BAIAP2L1: variants seen among roughly 807,000 people sequenced by gnomAD.
The protein encoded by BAIAP2L1 is BAR/IMD domain-containing adapter protein 2-like 1.
Under a neutral mutation model 66.3 loss-of-function variants are expected in BAIAP2L1, and 35 were observed. The observed-to-expected ratio is 0.53, with a 90% CI of 0.40 to 0.70. BAIAP2L1 has a LOEUF of 0.70. BAIAP2L1 is among the 30% of genes least tolerant of loss of function. The probability of loss-of-function intolerance (pLI) is 0.00; values close to 1 mark genes in which losing one functional copy is unlikely to be tolerated. For missense variants in BAIAP2L1, 622 were observed against 656.9 expected (o/e 0.95, Z 0.58); for synonymous variants, 269 against 248.7 (o/e 1.08, Z -0.77).
intron 6 of BAIAP2L1, among the ~76,000 whole-genome samples, chr7:98,316,664 T>C (rs1801084392): frequency 6.6e-6 from 1 of 152,216 alleles, no homozygotes; most frequent in Non-Finnish European, 1.5e-5. Flanking sequence ...TATTTTGAAA[T>C]AATGCATCGC....
chr7:98,345,434 T>C (rs1258791939), intron 3 of BAIAP2L1, among the ~76,000 whole-genome samples: 1 of 151,962 alleles, frequency 6.6e-6, no homozygotes, highest in East Asian at 1.9e-4. Flanking sequence ...AGTAAGAACA[T>C]GAAAAGATGG....
Position 98,401,048 on chromosome 7 carries a change from C to T in BAIAP2L1, c.-196G>A, listed in dbSNP as rs1264570192. 3 of 427,392 alleles carry T rather than the reference C, an allele frequency of 7.0e-6. No individual in the cohort carries two copies. Among genetic ancestry groups the T allele is most frequent in the East Asian group, 4.2e-5 (1 of 24,014 alleles). 26.5% of individuals were successfully genotyped at this position (427,392 alleles called of 1,614,324 possible). ...AAACTTGCGGCAGCGCCGCCCTGGC[C>T]TTCTTCGAGGAGCAGAGGAGAAGCG... On this transcript the variant is annotated 5_prime_UTR_variant, in exon 1 of 14. Transcript: ENST00000005260.
intron 7 of BAIAP2L1, among the ~76,000 whole-genome samples, chr7:98,312,485 C>A (rs1800908454): frequency 6.6e-6 from 1 of 152,130 alleles, no homozygotes; most frequent in African/African-American, 2.4e-5. Context: ...ATTTCCTGAT[C>A]CCTCAGTGTG....
intron 3 of BAIAP2L1, among the ~76,000 whole-genome samples, chr7:98,353,196 T>C (rs552127208): frequency 6.6e-6 from 1 of 151,428 alleles, no homozygotes; most frequent in South Asian, 2.1e-4. Flanking sequence ...TAACTGAGTC[T>C]ATTAAATATA....
At chr7:98,364,936 G>T (rs1430401989) in intron 1 of BAIAP2L1, among the ~76,000 whole-genome samples, 1 of 120,858 alleles carries the variant, frequency 8.3e-6, no homozygotes, top group Non-Finnish European at 1.6e-5. Context: ...GCAGTTAGTT[G>T]TGACTGCACC....
At position 98,334,607 on chromosome 7, in the gene BAIAP2L1, C is replaced by T. The variant is rs151095303; in HGVS notation, c.215-14309G>A. On this transcript the variant is annotated intron_variant, in intron 3 of 13. Transcript: ENST00000005260. Reference sequence around the variant, plus strand: ...TCACCCAGGCTGGAGTGCAGTGGCACGACCTCGGCTCACTGCAACCTCTGC... The same window carrying T: ...TCACCCAGGCTGGAGTGCAGTGGCATGACCTCGGCTCACTGCAACCTCTGC... Among the ~76,000 whole-genome samples, 520 of 152,028 alleles carry T rather than the reference C, an allele frequency of 3.4e-3. 1 individual carries two copies. Among genetic ancestry groups the T allele is most frequent in the Non-Finnish European group, 4.8e-3 (329 of 67,970 alleles).
chr7:98,304,338 G>A lies in BAIAP2L1; in HGVS notation c.1280C>T (p.Ser427Phe). ...PVRSISTVNL[S>F]ENSSVVIPPP... ...GGGGATGACAACACTGCTATTCTCAGACAAGTTCACGGTGCTGATGCTTCT... is the reference window on the plus strand; with the variant it reads ...GGGGATGACAACACTGCTATTCTCAAACAAGTTCACGGTGCTGATGCTTCT... The change falls in exon 12 of 14, where the codon TCT becomes TTT. Residue 427 changes from serine (S) to phenylalanine (F), a missense_variant. By Grantham distance (155) the Ser-to-Phe change is radical. Coordinates refer to ENST00000005260, the MANE Select transcript of BAIAP2L1 (RefSeq NM_018842.5). 1 of 1,613,720 alleles carries A rather than the reference G, an allele frequency of 6.2e-7. No individual in the cohort carries two copies. Among genetic ancestry groups the A allele is most frequent in the Non-Finnish European group, 8.5e-7 (1 of 1,179,822 alleles).
chr7:98,306,739 G>A (rs992298667), intron 10 of BAIAP2L1: 12 of 602,506 alleles, frequency 2.0e-5, no homozygotes, highest in South Asian at 5.9e-5. Context: ...ACAGGGTCTC[G>A]CTCTGTTGCC....
At chr7:98,360,343 TG>T (rs1286893333) in intron 2 of BAIAP2L1, among the ~76,000 whole-genome samples, 1 of 152,186 alleles carries the variant, frequency 6.6e-6, no homozygotes, top group African/African-American at 2.4e-5. Flanking sequence ...ACGCCCAGCC[TG>T]CCTTGTGTTC....
intron 10 of BAIAP2L1, 192 bp downstream of exon 10, chr7:98,307,497 G>C: frequency 3.5e-6 from 5 of 1,431,694 alleles, no homozygotes; most frequent in Non-Finnish European, 4.6e-6. Flanking sequence ...TGCACCAAAT[G>C]TATCTCTACA....
chr7:98,317,433 C>T, intron 5 of BAIAP2L1, 77 bp from the exon 6 acceptor site: 1 of 1,557,744 alleles, frequency 6.4e-7, no homozygotes. Flanking sequence ...ACTCACACTT[C>T]CACTGTGTGT....
chr7:98,332,809 CAAAA>C (rs55756451), intron 3 of BAIAP2L1, among the ~76,000 whole-genome samples: 2 of 83,706 alleles, frequency 2.4e-5, no homozygotes, highest in African/African-American at 4.8e-5. Context: ...ACTTCGTCCC[CAAAA>C]AAAAAAAAAA....
intron 3 of BAIAP2L1, among the ~76,000 whole-genome samples, chr7:98,323,728 C>G (rs1223888483): frequency 1.3e-5 from 2 of 152,216 alleles, no homozygotes; most frequent in African/African-American, 4.8e-5. Context: ...CAACACCTGG[C>G]CTTGTTATTC....
chr7:98,312,017 CCCA>C, intron 8 of BAIAP2L1, 77 bp downstream of exon 8: 1 of 1,406,706 alleles, frequency 7.1e-7, no homozygotes, highest in Non-Finnish European at 9.6e-7. Context: ...ACCTGTGATT[CCCA>C]CCAACACAGG....
At chr7:98,298,567 G>C (rs1800286852) in intron 12 of BAIAP2L1, among the ~76,000 whole-genome samples, 1 of 151,842 alleles carries the variant, frequency 6.6e-6, no homozygotes, top group African/African-American at 2.4e-5. Context: ...GAGCCGAGAT[G>C]GTGCCACTGC....
At chr7:98,372,083 C>T (rs1211838620) in intron 1 of BAIAP2L1, among the ~76,000 whole-genome samples, 4 of 151,900 alleles carry the variant, frequency 2.6e-5, no homozygotes, top group Non-Finnish European at 4.4e-5. Context: ...CGTGAGCCAT[C>T]GCGCCCGGCC....
chr7:98,331,919 A>G (rs1261056109), intron 3 of BAIAP2L1, among the ~76,000 whole-genome samples: 1 of 152,238 alleles, frequency 6.6e-6, no homozygotes, highest in South Asian at 2.1e-4. Context: ...TCACCAACAT[A>G]GAATTCTTCA....
At chr7:98,392,757 G>A (rs553161394) in intron 1 of BAIAP2L1, among the ~76,000 whole-genome samples, 1 of 152,220 alleles carries the variant, frequency 6.6e-6, no homozygotes, top group East Asian at 1.9e-4. Context: ...AATAGTTAGT[G>A]TTATCTCTGG....
intron 1 of BAIAP2L1, among the ~76,000 whole-genome samples, chr7:98,393,841 T>C (rs13310668): frequency 0.81 from 120,800 of 149,534 alleles, 48,812 homozygotes; most frequent in Middle Eastern, 0.82. Context: ...GAGGGGCTCA[T>C]GCCTGTAATC....
Sources: gnomAD v4.1 joint callset for allele counts (sites outside exome capture counted in the v4.1 genomes callset) on GRCh38, gnomAD v4.1.1 for gene constraint, MANE v1.5 for transcripts, NCBI Gene and HGNC (gene_info 2026-07-23, HGNC 2026-07-21) for gene names.